The following ZNF536 variants were observed in gnomAD, a reference collection of about 807,000 sequenced individuals.
ZNF536 encodes the protein zinc finger protein 536.
In ZNF536, 13 loss-of-function variants were observed where a neutral mutation model predicts 84.5. The ratio of observed to expected loss-of-function variants is 0.15; its 90% CI spans 0.10 to 0.24. The LOEUF (loss-of-function observed/expected upper bound fraction) is 0.24, where lower values mean the gene tolerates loss of function less well. Ranked by LOEUF, ZNF536 falls within the 10% of genes least tolerant of loss-of-function variation. The pLI, the probability that ZNF536 is intolerant of heterozygous loss-of-function variation, is 1.00. For synonymous variants in ZNF536, 811 were observed against 742.5 expected (o/e 1.09, Z -1.50); for missense variants, 1,536 against 1,747.5 (o/e 0.88, Z 2.16).
intron 2 of ZNF536, among the ~76,000 whole-genome samples, chr19:30,484,390 C>CATT (rs1555779706): frequency 8.5e-6 from 1 of 117,446 alleles, no homozygotes; most frequent in African/African-American, 3.6e-5. Context: ...TCATGCCCAG[C>CATT]TTTTTTTTTT....
At chr19:30,671,526 G>A (rs1279779143) in intron 1 of ZNF536, among the ~76,000 whole-genome samples, 1 of 152,122 alleles carries the variant, frequency 6.6e-6, no homozygotes, top group East Asian at 1.9e-4. Flanking sequence ...GGGGTGCAGA[G>A]CAGGAAGAAC....
chr19:30,449,717 C>A (rs1387768083), intron 2 of ZNF536, among the ~76,000 whole-genome samples: 1 of 152,130 alleles, frequency 6.6e-6, no homozygotes, highest in African/African-American at 2.4e-5. Flanking sequence ...ATATCGTTAA[C>A]CCCTACTACT....
chr19:30,657,250 G>A (rs999171334), intron 1 of ZNF536, among the ~76,000 whole-genome samples: 3 of 152,148 alleles, frequency 2.0e-5, no homozygotes, highest in African/African-American at 7.2e-5. Flanking sequence ...GGAACGTGAT[G>A]TCCTGTAAGT....
At chr19:30,512,007 G>A (rs1450506790) in intron 2 of ZNF536, among the ~76,000 whole-genome samples, 3 of 152,154 alleles carry the variant, frequency 2.0e-5, no homozygotes, top group South Asian at 2.1e-4. Context: ...AGTATAATTC[G>A]ATGTATCATC....
At chr19:30,647,636 C>T (rs926531072) in intron 1 of ZNF536, among the ~76,000 whole-genome samples, 2 of 152,202 alleles carry the variant, frequency 1.3e-5, no homozygotes, top group East Asian at 3.8e-4. Context: ...GTCATCCCTC[C>T]TTCCAATCAA....
intron 3 of ZNF536, among the ~76,000 whole-genome samples, chr19:30,354,783 G>A (rs1231453768): frequency 2.6e-5 from 4 of 152,236 alleles, no homozygotes; most frequent in South Asian, 2.1e-4. Context: ...CAGAGAACAT[G>A]TGAGCACCAT....
chr19:30,306,340 T>C (rs1455417314), intron 2 of ZNF536, among the ~76,000 whole-genome samples: 2 of 152,174 alleles, frequency 1.3e-5, no homozygotes, highest in Admixed American at 1.3e-4. Context: ...GTCACCCTAT[T>C]TCCTGGCTGA....
At chr19:30,597,635 A>G (rs1243020564) in intron 1 of ZNF536, among the ~76,000 whole-genome samples, 1 of 152,194 alleles carries the variant, frequency 6.6e-6, no homozygotes, top group Non-Finnish European at 1.5e-5. Flanking sequence ...TGGTTTCTAA[A>G]TTAGGGATAA....
intron 1 of ZNF536, among the ~76,000 whole-genome samples, chr19:30,606,266 TAAAATAAAATAA>T (rs2047882813): frequency 3.6e-5 from 2 of 55,652 alleles, no homozygotes; most frequent in Non-Finnish European, 3.6e-5. Context: ...TAAAATAAAA[TAAAATAAAATAA>T]AATAAAATAA....
At chr19:30,524,940 G>T (rs73026715) in intron 2 of ZNF536, among the ~76,000 whole-genome samples, 14,391 of 152,158 alleles carry the variant, frequency 0.095, 944 homozygotes, top group Non-Finnish European at 0.14. Context: ...AATTATTATA[G>T]TAATTGGATC....
intron 1 of ZNF536, among the ~76,000 whole-genome samples, chr19:30,429,534 A>G (rs1048878899): frequency 2.0e-5 from 3 of 152,166 alleles, no homozygotes; most frequent in Non-Finnish European, 4.4e-5. Flanking sequence ...CCTCTGCACC[A>G]GGCACTAAGG....
chr19:30,416,886 T>G (rs1484899223), intron 1 of ZNF536, among the ~76,000 whole-genome samples: 1 of 152,160 alleles, frequency 6.6e-6, no homozygotes. Flanking sequence ...TTTTTGTGGA[T>G]CAGCTCATTA....
At chr19:30,578,787 CA>C (rs1482055795) in intron 1 of ZNF536, among the ~76,000 whole-genome samples, 1 of 152,226 alleles carries the variant, frequency 6.6e-6, no homozygotes, top group African/African-American at 2.4e-5. Context: ...CTCCACTTAC[CA>C]GGCCATAGGG....
chr19:30,609,756 A>G (rs2048023273), intron 1 of ZNF536, among the ~76,000 whole-genome samples: 1 of 142,604 alleles, frequency 7.0e-6, no homozygotes, highest in Non-Finnish European at 1.5e-5. Context: ...CCATCCACCT[A>G]TCCATCCACC....
At chr19:30,524,109 C>T (rs1288850244) in intron 2 of ZNF536, among the ~76,000 whole-genome samples, 3 of 152,214 alleles carry the variant, frequency 2.0e-5, no homozygotes, top group Admixed American at 6.5e-5. Context: ...ATCACGAATG[C>T]CTCCATGCCG....
intron 2 of ZNF536, among the ~76,000 whole-genome samples, chr19:30,456,018 G>A (rs1384944530): frequency 6.6e-6 from 1 of 152,178 alleles, no homozygotes; most frequent in East Asian, 1.9e-4. Context: ...TGGGGGCCAT[G>A]TGGTTTCTGT....
intron 1 of ZNF536, among the ~76,000 whole-genome samples, chr19:30,660,480 G>A (rs1027707684): frequency 2.6e-5 from 4 of 152,176 alleles, no homozygotes; most frequent in Non-Finnish European, 4.4e-5. Context: ...GGACTCTGCT[G>A]TTAAAATATA....
In ZNF536 at chr19:30,255,558, G is replaced by C. The variant is rs1424265060; in HGVS notation, c.-190+26885G>C. On this transcript the variant is annotated intron_variant, in intron 1 of 5. Transcript: ENST00000585628. Reference sequence around the variant, plus strand: ...TCCAGAAATGCAGGATACGATTACAGTAATTAATTTAGTGAAACTTCTTAA... The same window carrying C: ...TCCAGAAATGCAGGATACGATTACACTAATTAATTTAGTGAAACTTCTTAA... 2.0e-5 allele frequency among the ~76,000 whole-genome samples: 3 copies of C among 152,154 alleles called. No homozygotes were observed. The South Asian group carries it at 6.2e-4, about 32-fold the overall frequency.
chr19:30,534,534 T>C (rs572268000), intron 2 of ZNF536, among the ~76,000 whole-genome samples: 1 of 152,252 alleles, frequency 6.6e-6, no homozygotes, highest in African/African-American at 2.4e-5. Context: ...TTTAAACTTT[T>C]GAAAAAAATA....
Sources: allele counts gnomAD v4.1 joint callset (sites outside exome capture counted in the v4.1 genomes callset), GRCh38; gene constraint gnomAD v4.1.1; transcripts MANE v1.5; gene names NCBI Gene and HGNC (gene_info 2026-07-23, HGNC 2026-07-21).